The following VPS53 variants were observed in gnomAD, a reference collection of about 807,000 sequenced individuals.
The protein encoded by VPS53 is vacuolar protein sorting-associated protein 53 homolog.
VPS53 carries 70 observed loss-of-function variants against 107.0 expected under a neutral mutation model. The observed-to-expected ratio is 0.65, with a 90% CI of 0.54 to 0.80. VPS53 has a LOEUF of 0.80. Ranked by LOEUF, VPS53 falls within the 30% of genes least tolerant of loss-of-function variation. The pLI, the probability that VPS53 is intolerant of heterozygous loss-of-function variation, is 0.00. For synonymous variants in VPS53, 409 were observed against 393.3 expected (o/e 1.04, Z -0.47); for missense variants, 917 against 1,049.4 (o/e 0.87, Z 1.74).
At chr17:656,769 T>C (rs79257398) in intron 5 of VPS53, 86,692 of 1,017,782 alleles carry the variant, frequency 0.085, 4,530 homozygotes, top group Middle Eastern at 0.11. Flanking sequence ...CGTACAAAGA[T>C]CTAACATGTC....
At chr17:522,767 A>G (rs1354607826) in intron 19 of VPS53, among the ~76,000 whole-genome samples, 2 of 152,224 alleles carry the variant, frequency 1.3e-5, no homozygotes, top group African/African-American at 4.8e-5. Flanking sequence ...CCAATTATCT[A>G]GAAGGACACC....
intron 4 of VPS53, among the ~76,000 whole-genome samples, chr17:672,109 G>GACAT (rs1491463611): frequency 1.8e-5 from 2 of 108,824 alleles, no homozygotes; most frequent in Non-Finnish European, 3.7e-5. Flanking sequence ...TGATGAGGGT[G>GACAT]ACACACACAC....
Position 653,203 on chromosome 17 carries a change from T to C in VPS53, c.608+88A>G, listed in dbSNP as rs972688542. Reference sequence around the variant, plus strand: ...AGCTGCCGGATCTGCGGAATCCCCATATACTTTCCCTCTGGTGACAGTTTA... The same window carrying C: ...AGCTGCCGGATCTGCGGAATCCCCACATACTTTCCCTCTGGTGACAGTTTA... On this transcript the variant is annotated intron_variant, in intron 7 of 21. Transcript: ENST00000437048. The C allele has an allele frequency of 6.4e-6, 10 of 1,563,694 alleles. No homozygotes were observed. In the African/African-American group the frequency reaches 1.2e-4, roughly 19 times the overall value.
In VPS53 at chr17:709,119, C is replaced by A. The variant is rs576128653; in HGVS notation, c.168+1414G>T. 2.0e-5 allele frequency among the ~76,000 whole-genome samples: 3 copies of A among 152,266 alleles called. No individual in the cohort carries two copies. The East Asian group carries it at 5.8e-4, about 29-fold the overall frequency. ...ACCTCACAGAGAACTTCCCGTTAAG[C>A]CCCTTTATTTAAAGGACCCTCCGCA... On this transcript the variant is annotated intron_variant, in intron 2 of 21. Transcript: ENST00000437048.
At chr17:674,718 A>G (rs1041776438) in intron 4 of VPS53, 17 of 152,238 alleles carry the variant, frequency 1.1e-4, no homozygotes, top group African/African-American at 3.6e-4. Flanking sequence ...CTCCACAGCA[A>G]AACAGGTGGC....
At chr17:713,220 A>G (rs1226547143) in intron 1 of VPS53, among the ~76,000 whole-genome samples, 1 of 152,076 alleles carries the variant, frequency 6.6e-6, no homozygotes, top group Non-Finnish European at 1.5e-5. Context: ...AAAGTTTCCC[A>G]GGGGTCATTA....
chr17:614,156 T>C (rs180676302), intron 11 of VPS53, among the ~76,000 whole-genome samples: 2 of 152,200 alleles, frequency 1.3e-5, no homozygotes, highest in Non-Finnish European at 2.9e-5. Flanking sequence ...GGATTTCTTC[T>C]GGGGTAACAG....
At chr17:570,201 T>TAC (rs1913907067) in intron 13 of VPS53, among the ~76,000 whole-genome samples, 1 of 151,334 alleles carries the variant, frequency 6.6e-6, no homozygotes, top group Non-Finnish European at 1.5e-5. Flanking sequence ...ACCCTGTCTC[T>TAC]ACTAAAAAAA....
intron 4 of VPS53, among the ~76,000 whole-genome samples, chr17:672,775 A>G (rs370742384): frequency 1.3e-5 from 2 of 152,242 alleles, no homozygotes; most frequent in Admixed American, 6.5e-5. Context: ...TGTAAGGAAT[A>G]CATGTCTGAA....
At chr17:546,405 A>T (rs898810141) in intron 17 of VPS53, among the ~76,000 whole-genome samples, 10 of 151,702 alleles carry the variant, frequency 6.6e-5, no homozygotes, top group Non-Finnish European at 2.9e-5. Flanking sequence ...AATCAAGGAC[A>T]TTATCAAGAA....
At chr17:714,572 C>G (rs1973776608) in intron 1 of VPS53, 51 bp downstream of exon 1, 1 of 1,552,254 alleles carries the variant, frequency 6.4e-7, no homozygotes, top group South Asian at 1.2e-5. Context: ...CCGGAGCTGC[C>G]GTCTCCCCTC....
chr17:705,959 G>A (rs1330490234), intron 2 of VPS53: 2 of 152,156 alleles, frequency 1.3e-5, no homozygotes, highest in Non-Finnish European at 1.5e-5. Context: ...ATTTCCTCAA[G>A]GGAGTAAGCC....
At chr17:708,585 C>T (rs1040244223) in intron 2 of VPS53, among the ~76,000 whole-genome samples, 24 of 152,140 alleles carry the variant, frequency 1.6e-4, no homozygotes, top group African/African-American at 5.6e-4. Context: ...TCAGGCCCCC[C>T]ACGAGAGCTG....
chr17:695,272 G>A (rs1460040912), intron 4 of VPS53, among the ~76,000 whole-genome samples: 1 of 152,170 alleles, frequency 6.6e-6, no homozygotes, highest in East Asian at 1.9e-4. Flanking sequence ...ATCCTTTCCA[G>A]TTCAAAATTC....
At chr17:585,543 G>A (rs1004422389) in intron 13 of VPS53, among the ~76,000 whole-genome samples, 1 of 152,144 alleles carries the variant, frequency 6.6e-6, no homozygotes. Flanking sequence ...TTGGGAGACT[G>A]CAGTGGGAGG....
chr17:582,379 C>T (rs1352459009), intron 13 of VPS53, among the ~76,000 whole-genome samples: 1 of 147,252 alleles, frequency 6.8e-6, no homozygotes, highest in Admixed American at 7.0e-5. Context: ...TCCCTCACAA[C>T]CCAGTGCGTT....
rs767007085 is a variant in VPS53, at chr17:623,689, G to T, written c.975-15C>A. ...CAAGTTCTGCCCTTCAAAACAAAGA[G>T]ATAAGAATACTATCAAACAAGCTGA... On this transcript the variant is annotated splice_polypyrimidine_tract_variant and intron_variant, in intron 10 of 21. Transcript: ENST00000437048. 1.2e-6 allele frequency: 2 copies of T among 1,602,488 alleles called. No individual in the cohort carries two copies. Among genetic ancestry groups the T allele is most frequent in the Admixed American group, 3.4e-5 (2 of 59,532 alleles).
intron 10 of VPS53, among the ~76,000 whole-genome samples, chr17:624,995 CT>C (rs56344843): frequency 0.11 from 12,363 of 108,900 alleles, 570 homozygotes; most frequent in East Asian, 0.19. Flanking sequence ...TCTCTCTCTT[CT>C]TTTTTTTTTT....
intron 11 of VPS53, among the ~76,000 whole-genome samples, chr17:613,875 A>C (rs916942144): frequency 5.3e-5 from 8 of 152,252 alleles, no homozygotes; most frequent in African/African-American, 1.7e-4. Flanking sequence ...AAACCACCCG[A>C]ATGTCCACAG....
Sources: gnomAD v4.1 joint callset for allele counts (sites outside exome capture counted in the v4.1 genomes callset) on GRCh38, gnomAD v4.1.1 for gene constraint, MANE v1.5 for transcripts, NCBI Gene and HGNC (gene_info 2026-07-23, HGNC 2026-07-21) for gene names.